Variants in ADH7 observed in about 807,000 individuals in gnomAD.
ADH7 encodes the protein all-trans-retinol dehydrogenase [NAD(+)] ADH7.
ADH7 carries 41 observed loss-of-function variants against 34.4 expected under a neutral mutation model. The ratio of observed to expected loss-of-function variants is 1.19; its 90% CI spans 0.93 to 1.55. The LOEUF is 1.55. Ranked by LOEUF, ADH7 falls within the 40% of genes most tolerant of loss-of-function variation. ADH7 has a pLI of 0.00. For synonymous variants in ADH7, 180 were observed against 160.9 expected (o/e 1.12, Z -0.90); for missense variants, 540 against 461.2 (o/e 1.17, Z -1.56).
intron 5 of ADH7, among the ~76,000 whole-genome samples, chr4:99,425,726 G>T (rs2110138055): frequency 6.6e-6 from 1 of 152,274 alleles, no homozygotes; most frequent in South Asian, 2.1e-4. Flanking sequence ...GACATCTACA[G>T]AACTCTCCAG....
intron 5 of ADH7, among the ~76,000 whole-genome samples, chr4:99,427,097 A>T (rs1721825925): frequency 1.3e-5 from 2 of 152,146 alleles, no homozygotes; most frequent in Admixed American, 1.3e-4. Flanking sequence ...TAATTCCTTG[A>T]ACTCCAATTT....
In ADH7 at chr4:99,422,203, C is replaced by T. The variant is rs562008325; in HGVS notation, c.565-1410G>A. On this transcript the variant is annotated intron_variant, in intron 5 of 8. Coordinates refer to ENST00000437033, the MANE Select transcript of ADH7 (RefSeq NM_000673.7). ...ATTCCACTGCAAAGACACATGCACA[C>T]GTATGTTTATTGCAGCACTATTTAC... 8.9e-4 allele frequency among the ~76,000 whole-genome samples: 136 copies of T among 152,292 alleles called. 1 individual carries two copies. In the South Asian group the frequency reaches 0.011, roughly 12 times the overall value.
intron 5 of ADH7, 38 bp from the exon 6 acceptor site, chr4:99,420,831 G>T (rs1270471229): frequency 1.3e-6 from 2 of 1,594,404 alleles, no homozygotes; most frequent in South Asian, 2.2e-5. Context: ...TTAGGTGTTA[G>T]GGTCAAAAAG....
chr4:99,412,282 T>C lies in ADH7; in HGVS notation c.*866A>G, dbSNP rs1215890354. ...AAAACATTTTATATAATTTTTAATT[T>C]TCTTAAGAATTTTTAACATGTTATA... On this transcript the variant is annotated 3_prime_UTR_variant, in exon 9 of 9. Transcript: ENST00000437033. The C allele has an allele frequency of 6.6e-6, 1 of 152,116 alleles. No individual in the cohort carries two copies. Among genetic ancestry groups the C allele is most frequent in the Non-Finnish European group, 1.5e-5 (1 of 67,992 alleles). The allele number at this position is 152,116 out of a possible 1,614,324, so 9.4% of individuals were successfully genotyped here.
intron 7 of ADH7, among the ~76,000 whole-genome samples, chr4:99,416,691 C>T (rs113410254): frequency 2.0e-5 from 3 of 152,000 alleles, no homozygotes; most frequent in Non-Finnish European, 4.4e-5. Flanking sequence ...TTGTGGCTTT[C>T]GATATACTCC....
intron 1 of ADH7, among the ~76,000 whole-genome samples, chr4:99,431,446 C>T (rs530497091): frequency 6.6e-5 from 10 of 152,110 alleles, no homozygotes; most frequent in Non-Finnish European, 1.2e-4. Context: ...AAAGCAATGG[C>T]AACAAAAACA....
At chr4:99,422,260 C>T (rs1294807677) in intron 5 of ADH7, among the ~76,000 whole-genome samples, 2 of 152,152 alleles carry the variant, frequency 1.3e-5, no homozygotes, top group East Asian at 1.9e-4. Context: ...ACCCAAATGG[C>T]CATCAATGAT....
chr4:99,432,064 C>A (rs552814576), intron 1 of ADH7, among the ~76,000 whole-genome samples: 2 of 152,212 alleles, frequency 1.3e-5, no homozygotes, highest in South Asian at 4.2e-4. Context: ...ATGGAATCAA[C>A]CTAAGCGCCC....
At chr4:99,419,293 T>C (rs922886356) in intron 6 of ADH7, among the ~76,000 whole-genome samples, 172 bp from the exon 7 acceptor site, 3 of 152,232 alleles carry the variant, frequency 2.0e-5, no homozygotes, top group Admixed American at 6.5e-5. Context: ...TAAATTTCTA[T>C]ACACATTTGC....
chr4:99,432,847 A>C (rs1721967038), intron 1 of ADH7: 2 of 152,210 alleles, frequency 1.3e-5, no homozygotes, highest in Admixed American at 6.5e-5. Flanking sequence ...ATGAATTAAA[A>C]AAAAAAATTT....
chr4:99,432,442 G>A (rs529931080), intron 1 of ADH7, among the ~76,000 whole-genome samples: 1 of 151,982 alleles, frequency 6.6e-6, no homozygotes, highest in East Asian at 1.9e-4. Context: ...TAGCAAACCT[G>A]CACATGTACC....
chr4:99,412,860 C>A lies in ADH7; in HGVS notation c.*288G>T. On this transcript the variant is annotated 3_prime_UTR_variant, in exon 9 of 9. Transcript: ENST00000437033. Reference sequence around the variant, plus strand: ...AGCTGGTTAAAACTCTTAAAAATCTCCATTTCAACATAGAAATCCAAGTGT... The same window carrying A: ...AGCTGGTTAAAACTCTTAAAAATCTACATTTCAACATAGAAATCCAAGTGT... The A allele has an allele frequency of 3.1e-6, 1 of 323,802 alleles. No individual in the cohort carries two copies. The highest frequency in any genetic ancestry group is 5.6e-6 in the Non-Finnish European group (1 of 178,906). The allele number at this position is 323,802 out of a possible 1,614,324, so 20.1% of individuals were successfully genotyped here.
chr4:99,431,690 C>T (rs1721940218), intron 1 of ADH7, among the ~76,000 whole-genome samples: 1 of 152,134 alleles, frequency 6.6e-6, no homozygotes, highest in South Asian at 2.1e-4. Flanking sequence ...CAAAACAAAA[C>T]ATACTTATGG....
Position 99,428,186 on chromosome 4 carries a change from A to G in ADH7, c.260-12T>C, listed in dbSNP as rs753112294. The G allele has an allele frequency of 5.5e-5, 88 of 1,603,376 alleles. No individual in the cohort carries two copies. Among genetic ancestry groups the G allele is most frequent in the Non-Finnish European group, 7.3e-5 (86 of 1,170,506 alleles). On this transcript the variant is annotated splice_polypyrimidine_tract_variant and intron_variant, in intron 3 of 8. Transcript: ENST00000437033. The stretch of plus-strand genomic sequence containing the variant: ...GATGACTTTGTCACCTACAGGAAAA[A>G]AATCATGATATAAGATGCTGTTCAT...
intron 5 of ADH7, among the ~76,000 whole-genome samples, chr4:99,421,467 G>A (rs1039539243): frequency 6.6e-6 from 1 of 152,136 alleles, no homozygotes; most frequent in Non-Finnish European, 1.5e-5. Flanking sequence ...ACTCAGACTG[G>A]ACCCCTTCCT....
chr4:99,433,787 G>A (rs1457535468), intron 1 of ADH7, among the ~76,000 whole-genome samples: 1 of 152,116 alleles, frequency 6.6e-6, no homozygotes, highest in Non-Finnish European at 1.5e-5. Flanking sequence ...CAGAATTGCA[G>A]CCTTCAGATG....
chr4:99,435,261 T>G lies in ADH7; in HGVS notation c.-28A>C. 1.2e-6 allele frequency: 2 copies of G among 1,613,412 alleles called. No individual in the cohort carries two copies. Among genetic ancestry groups the G allele is most frequent in the Non-Finnish European group, 1.7e-6 (2 of 1,179,716 alleles). Reference sequence around the variant, plus strand: ...TGTCTTTGTCTTGGATCTGTATTTCTGCAAACATAGACTTTTTCTGACTGA... The same window carrying G: ...TGTCTTTGTCTTGGATCTGTATTTCGGCAAACATAGACTTTTTCTGACTGA... On this transcript the variant is annotated 5_prime_UTR_variant, in exon 1 of 9. Coordinates refer to ENST00000437033, the MANE Select transcript of ADH7 (RefSeq NM_000673.7).
chr4:99,433,506 G>C (rs1159173984), intron 1 of ADH7, among the ~76,000 whole-genome samples: 1 of 152,068 alleles, frequency 6.6e-6, no homozygotes, highest in African/African-American at 2.4e-5. Flanking sequence ...TCATTGGTAT[G>C]GGATGAATTG....
At chr4:99,423,212 A>AT (rs1216359537) in intron 5 of ADH7, among the ~76,000 whole-genome samples, 1 of 149,312 alleles carries the variant, frequency 6.7e-6, no homozygotes, top group Non-Finnish European at 1.5e-5. Context: ...TGAACTCATC[A>AT]TTTTTTATGG....
Sources: gnomAD v4.1 joint callset for allele counts (sites outside exome capture counted in the v4.1 genomes callset) on GRCh38, gnomAD v4.1.1 for gene constraint, MANE v1.5 for transcripts, NCBI Gene and HGNC (gene_info 2026-07-23, HGNC 2026-07-21) for gene names.